Variants in OSBPL10 observed in about 807,000 individuals in gnomAD.
OSBPL10 encodes oxysterol-binding protein-related protein 10.
In OSBPL10, 49 loss-of-function variants were observed where a neutral mutation model predicts 81.7. The ratio of observed to expected loss-of-function variants is 0.60; its 90% confidence interval spans 0.48 to 0.76. The LOEUF (loss-of-function observed/expected upper bound fraction) is 0.76, where lower values mean the gene tolerates loss of function less well. OSBPL10 is among the 30% of genes least tolerant of loss of function. The probability of loss-of-function intolerance (pLI) is 0.00; values close to 1 mark genes in which losing one functional copy is unlikely to be tolerated. For synonymous variants in OSBPL10, 419 were observed against 383.6 expected (o/e 1.09, Z -1.08); for missense variants, 923 against 987.8 (o/e 0.93, Z 0.88).
intron 7 of OSBPL10, among the ~76,000 whole-genome samples, chr3:31,688,277 T>TCACA (rs1451338254): frequency 1.4e-4 from 11 of 76,962 alleles, no homozygotes; most frequent in African/African-American, 3.8e-4. Context: ...TCTCTCTCTC[T>TCACA]CTCTCTCACA....
chr3:31,778,443 TGAA>T (rs1698605434), intron 4 of OSBPL10, among the ~76,000 whole-genome samples: 1 of 152,080 alleles, frequency 6.6e-6, no homozygotes, highest in Non-Finnish European at 1.5e-5. Context: ...AAAATAGAAT[TGAA>T]GAAGTAGAGG....
intron 3 of OSBPL10, among the ~76,000 whole-genome samples, chr3:31,876,168 C>G (rs1701463591): frequency 6.6e-6 from 1 of 152,102 alleles, no homozygotes; most frequent in African/African-American, 2.4e-5. Context: ...CAATTAACAG[C>G]TGCCTAAATT....
chr3:31,775,391 G>C (rs1463505044), intron 4 of OSBPL10, among the ~76,000 whole-genome samples: 3 of 152,034 alleles, frequency 2.0e-5, no homozygotes, highest in Non-Finnish European at 2.9e-5. Context: ...GACTCTAGAG[G>C]GGTAAAAAGC....
At chr3:31,943,809 T>C (rs892788619) in intron 1 of OSBPL10, among the ~76,000 whole-genome samples, 4 of 150,976 alleles carry the variant, frequency 2.6e-5, no homozygotes, top group African/African-American at 9.8e-5. Context: ...CTACTAAAAA[T>C]ACAAAAAAAC....
chr3:31,810,987 A>C (rs971650933), intron 4 of OSBPL10, among the ~76,000 whole-genome samples: 1 of 152,212 alleles, frequency 6.6e-6, no homozygotes, highest in African/African-American at 2.4e-5. Context: ...TCGAGTGCTA[A>C]GTTTCCAGGT....
At position 31,664,181 on chromosome 3, in the gene OSBPL10, T is replaced by G; in HGVS notation, c.2148A>C (p.Ala716=). 1 of 1,613,346 alleles carries G rather than the reference T, an allele frequency of 6.2e-7. No individual in the cohort carries two copies. Among genetic ancestry groups the G allele is most frequent in the Admixed American group, 1.7e-5 (1 of 60,026 alleles). ...TRYLRLGDID[A]ATEQKRHLEE... is the part of the protein sequence containing the mutation. Reference sequence around the variant, plus strand: ...CCAGGTGCCGCTTCTGCTCGGTGGCTGCGTCAATGTCCCCCAGCCGCAGGT... The same window carrying G: ...CCAGGTGCCGCTTCTGCTCGGTGGCGGCGTCAATGTCCCCCAGCCGCAGGT... The change falls in exon 11 of 12, where the codon GCA becomes GCC. Residue 716 remains alanine (A), a synonymous_variant. Coordinates refer to ENST00000396556, the MANE Select transcript of OSBPL10 (RefSeq NM_017784.5).
chr3:31,873,988 C>T (rs970530430), intron 3 of OSBPL10, among the ~76,000 whole-genome samples: 2 of 152,104 alleles, frequency 1.3e-5, no homozygotes, highest in Admixed American at 1.3e-4. Context: ...AAGAAATCCT[C>T]CAGGCCTAAA....
intron 4 of OSBPL10, among the ~76,000 whole-genome samples, chr3:31,798,998 A>G (rs930899472): frequency 6.6e-6 from 1 of 152,162 alleles, no homozygotes; most frequent in African/African-American, 2.4e-5. Context: ...CTCAGGCAGT[A>G]CTGCTGATTC....
chr3:31,932,706 C>A (rs1198354072), intron 1 of OSBPL10, among the ~76,000 whole-genome samples: 2 of 152,016 alleles, frequency 1.3e-5, no homozygotes, highest in African/African-American at 2.4e-5. Context: ...TCTCCTCCCC[C>A]TCCTTCTTCT....
chr3:32,060,112 T>C (rs1191543979), intron 1 of OSBPL10, among the ~76,000 whole-genome samples: 1 of 152,100 alleles, frequency 6.6e-6, no homozygotes, highest in African/African-American at 2.4e-5. Context: ...ACGGTATATA[T>C]ACATTTCTGT....
chr3:31,745,276 G>C (rs957561030), intron 5 of OSBPL10, among the ~76,000 whole-genome samples: 1 of 152,192 alleles, frequency 6.6e-6, no homozygotes, highest in Non-Finnish European at 1.5e-5. Flanking sequence ...CTTTAGAGGA[G>C]AGTGTCCTTT....
chr3:32,065,944 GAAGAAAGAAAGAAAGAAAGAAAGA>G lies in OSBPL10; in HGVS notation n.185+11428_185+11451del, dbSNP rs774799990. Among the ~76,000 whole-genome samples, 9 of 35,860 alleles carry G rather than the reference GAAGAAAGAAAGAAAGAAAGAAAGA, an allele frequency of 2.5e-4. 1 individual carries two copies. Among genetic ancestry groups the G allele is most frequent in the African/African-American group, 5.6e-4 (9 of 15,952 alleles). The allele number at this position is 35,860 out of a possible 152,430, so 23.5% of individuals were successfully genotyped here. ...AAGAAAGAAAGAAGGAAAGAAGAAA[GAAGAAAGAAAGAAAGAAAGAAAGA>G]AAGAAAGAAAGAAAGAAAGAAAGAA... is the stretch of plus-strand genomic sequence containing the variant. On this transcript the variant is annotated intron_variant and non_coding_transcript_variant, in intron 1 of 3. Coordinates refer to the OSBPL10 transcript ENST00000479173.
At chr3:31,670,626 C>CA (rs1700299735) in intron 9 of OSBPL10, among the ~76,000 whole-genome samples, 171 bp downstream of exon 9, 1 of 152,022 alleles carries the variant, frequency 6.6e-6, no homozygotes, top group Non-Finnish European at 1.5e-5. Context: ...GGGAGGACTC[C>CA]AAAAAACTGC....
At position 31,748,643 on chromosome 3, in the gene OSBPL10, CAA is replaced by C. The variant is rs5847713; in HGVS notation, c.730-525_730-524del. Among the ~76,000 whole-genome samples, 82 of 127,672 alleles carry C rather than the reference CAA, an allele frequency of 6.4e-4. 1 individual carries two copies. The highest frequency in any genetic ancestry group is 2.3e-3 in the African/African-American group (78 of 33,634). The allele number at this position is 127,672 out of a possible 152,430, so 83.8% of individuals were successfully genotyped here. A position where few individuals can be genotyped will look rare whatever the true frequency, so the allele number is the denominator to read the frequency against. On this transcript the variant is annotated intron_variant, in intron 4 of 11. Transcript: ENST00000396556. The stretch of plus-strand genomic sequence containing the variant: ...ATGCTGAGCCCCCTTCGCTCGCTTG[CAA>C]AAAAAAAAAAAAAAATGCTAAACAG...
At chr3:31,669,499 C>T (rs572236886) in intron 9 of OSBPL10, among the ~76,000 whole-genome samples, 63 of 152,294 alleles carry the variant, frequency 4.1e-4, no homozygotes, top group African/African-American at 1.5e-3. Context: ...ACATCCACTC[C>T]AGCATCCACA....
In OSBPL10 at chr3:31,893,068, G is replaced by A. The variant is rs528972188; in HGVS notation, c.282-13238C>T. Among the ~76,000 whole-genome samples, 4 of 152,246 alleles carry A rather than the reference G, an allele frequency of 2.6e-5. No individual in the cohort carries two copies. In the South Asian group the frequency reaches 8.3e-4, roughly 32 times the overall value. On this transcript the variant is annotated intron_variant, in intron 1 of 11. Coordinates refer to ENST00000396556, the MANE Select transcript of OSBPL10 (RefSeq NM_017784.5). The stretch of plus-strand genomic sequence containing the variant: ...AAGAGCCAGGAAGGACACGGAAACA[G>A]CCTGAAATGTTAATGTGCTCCCTCC...
intron 6 of OSBPL10, chr3:31,714,779 C>T (rs1164053701): frequency 1.3e-5 from 2 of 152,556 alleles, no homozygotes; most frequent in Admixed American, 6.6e-5. Flanking sequence ...CTCATCTTTG[C>T]TGCTACCACA....
At chr3:31,789,219 C>T (rs1437322760) in intron 4 of OSBPL10, among the ~76,000 whole-genome samples, 2 of 152,116 alleles carry the variant, frequency 1.3e-5, no homozygotes, top group Non-Finnish European at 2.9e-5. Flanking sequence ...CCACCATGTC[C>T]GGCTAGGATG....
At chr3:31,880,755 C>T (rs905982497) in intron 1 of OSBPL10, among the ~76,000 whole-genome samples, 2 of 152,330 alleles carry the variant, frequency 1.3e-5, no homozygotes, top group East Asian at 1.9e-4. Flanking sequence ...GGAGCAGTTA[C>T]TCAAAGTGTG....
Sources: allele counts gnomAD v4.1 joint callset (sites outside exome capture counted in the v4.1 genomes callset), GRCh38; gene constraint gnomAD v4.1.1; transcripts MANE v1.5; gene names NCBI Gene and HGNC (gene_info 2026-07-23, HGNC 2026-07-21).